B3GNT5: variants seen among roughly 807,000 people sequenced by gnomAD.
B3GNT5 encodes the protein UDP-GlcNAc:betaGal beta-1,3-N-acetylglucosaminyltransferase 5.
A neutral mutation model predicts 25.9 loss-of-function variants in B3GNT5; 11 were observed. The ratio of observed to expected loss-of-function variants is 0.42; its 90% CI spans 0.27 to 0.70. The LOEUF (loss-of-function observed/expected upper bound fraction) is 0.70. Among genes scored for constraint, B3GNT5 ranks in the 30% least tolerant of loss-of-function variants. The probability of loss-of-function intolerance (pLI) is 0.23; values close to 1 mark genes in which losing one functional copy is unlikely to be tolerated. For synonymous variants in B3GNT5, 166 were observed against 158.6 expected (o/e 1.05, Z -0.35); for missense variants, 385 against 458.4 (o/e 0.84, Z 1.46).
chr3:183,269,229 G>GATTTTTTTTTTTTTTTTT (rs1305607255), intron 1 of B3GNT5, among the ~76,000 whole-genome samples: 1 of 77,022 alleles, frequency 1.3e-5, no homozygotes, highest in African/African-American at 1.1e-4. Flanking sequence ...CGTTTGGGAA[G>GATTTTTTTTTTTTTTTTT]CTTTTTTTTT....
At chr3:183,269,459 C>G (rs1726525527) in intron 1 of B3GNT5, 39 bp from the exon 2 acceptor site, 1 of 221,360 alleles carries the variant, frequency 4.5e-6, no homozygotes, top group African/African-American at 2.3e-5. Flanking sequence ...CTTAGTAACC[C>G]ACGCGATTGT....
At chr3:183,259,806 G>T (rs1162057378) in intron 1 of B3GNT5, among the ~76,000 whole-genome samples, 2 of 152,128 alleles carry the variant, frequency 1.3e-5, no homozygotes, top group African/African-American at 4.8e-5. Context: ...GACTGATGAG[G>T]TCACTTCTGC....
chr3:183,254,563 C>A (rs1322644519), intron 1 of B3GNT5: 10 of 152,140 alleles, frequency 6.6e-5, no homozygotes, highest in Non-Finnish European at 2.9e-5. Context: ...TGCGGGTCCC[C>A]GTCCCTGAGG....
intron 1 of B3GNT5, among the ~76,000 whole-genome samples, chr3:183,260,138 T>C (rs956577388): frequency 3.3e-5 from 5 of 151,902 alleles, no homozygotes; most frequent in African/African-American, 1.2e-4. Flanking sequence ...CCACAGGGTC[T>C]GGAATTTGTT....
At position 183,271,041 on chromosome 3, in the gene B3GNT5, A is replaced by G; in HGVS notation, c.*106A>G. 1 of 1,075,322 alleles carries G rather than the reference A, an allele frequency of 9.3e-7. No homozygotes were observed. The highest frequency in any genetic ancestry group is 1.9e-5 in the South Asian group (1 of 51,508). The allele number at this position is 1,075,322 out of a possible 1,614,324, so 66.6% of individuals were successfully genotyped here. On this transcript the variant is annotated 3_prime_UTR_variant, in exon 2 of 2. Coordinates refer to ENST00000326505, the MANE Select transcript of B3GNT5 (RefSeq NM_032047.5). ...TAAGTAAAATGAGGACGAAAGACAA[A>G]TATTTTGAAAGCCTAGTCCATCAGA...
chr3:183,269,884 T>C lies in B3GNT5; in HGVS notation c.86T>C (p.Met29Thr). The change falls in exon 2 of 2, where the codon ATG (methionine) becomes ACG (threonine). Residue 29 changes from methionine to threonine, a missense_variant. Physicochemically the swap from Met to Thr is moderately conservative, Grantham distance 81. Coordinates refer to ENST00000326505, the MANE Select transcript of B3GNT5 (RefSeq NM_032047.5). ...LFATCFLASL[M>T]FFWEPIDNHI... ...GCTACTTGTTTTTTAGCGAGCCTCATGTTTTTTTGGGAACCAATCGATAAT... is the reference window on the plus strand; with the variant it reads ...GCTACTTGTTTTTTAGCGAGCCTCACGTTTTTTTGGGAACCAATCGATAAT... 3 of 1,614,110 alleles carry C rather than the reference T, an allele frequency of 1.9e-6. No individual in the cohort carries two copies. The highest frequency in any genetic ancestry group is 2.5e-6 in the Non-Finnish European group (3 of 1,180,012).
chr3:183,271,641 G>GTATT lies in B3GNT5; in HGVS notation c.*707_*710dup, dbSNP rs1398549680. ...ATGTTTTTAATGGATTTTTTTTTAA[G>GTATT]TATTAGAAAATGACACATAACACGG... On this transcript the variant is annotated 3_prime_UTR_variant, in exon 2 of 2. Coordinates refer to ENST00000326505, the MANE Select transcript of B3GNT5 (RefSeq NM_032047.5). The GTATT allele has an allele frequency of 6.0e-6, 1 of 166,648 alleles. No individual in the cohort carries two copies. The highest frequency in any genetic ancestry group is 1.9e-4 in the East Asian group (1 of 5,178). The allele number at this position is 166,648 out of a possible 1,614,324, so 10.3% of individuals were successfully genotyped here.
chr3:183,262,992 G>A lies in B3GNT5; in HGVS notation c.-301-6506G>A, dbSNP rs1234249007. On this transcript the variant is annotated intron_variant, in intron 1 of 1. Transcript: ENST00000326505. ...TGTCCAATGATTCTGCATCTGAAACGGGGGAGGTGTGTGAGGAAGAAAGGT... is the reference window on the plus strand; with the variant it reads ...TGTCCAATGATTCTGCATCTGAAACAGGGGAGGTGTGTGAGGAAGAAAGGT... Among the ~76,000 whole-genome samples the A allele has an allele frequency of 2.0e-5, 3 of 152,152 alleles. No homozygotes were observed. In the East Asian group the frequency reaches 5.8e-4, roughly 29 times the overall value.
In B3GNT5 at chr3:183,269,772, CCTAA is replaced by C; in HGVS notation, c.-22_-19del. 1 of 1,572,576 alleles carries C rather than the reference CCTAA, an allele frequency of 6.4e-7. No individual in the cohort carries two copies. Among genetic ancestry groups the C allele is most frequent in the Non-Finnish European group, 8.6e-7 (1 of 1,161,786 alleles). ...AAGCCCGTGCCTGTTTAAAACTGATCCTAACTAAAAACAGACTTGAGTGGATATG... is the reference window on the plus strand; with the variant it reads ...AAGCCCGTGCCTGTTTAAAACTGATCCTAAAAACAGACTTGAGTGGATATG... On this transcript the variant is annotated 5_prime_UTR_variant, in exon 2 of 2. The change abolishes the stop of an existing upstream ORF in the 5' untranslated region. Coordinates refer to ENST00000326505, the MANE Select transcript of B3GNT5 (RefSeq NM_032047.5).
At position 183,272,867 on chromosome 3, in the gene B3GNT5, T is replaced by C. The variant is rs1269796880; in HGVS notation, c.*1932T>C. 1 of 1,285,294 alleles carries C rather than the reference T, an allele frequency of 7.8e-7. No individual in the cohort carries two copies. The highest frequency in any genetic ancestry group is 1.6e-5 in the African/African-American group (1 of 64,374). The allele number at this position is 1,285,294 out of a possible 1,614,324, so 79.6% of individuals were successfully genotyped here. On this transcript the variant is annotated 3_prime_UTR_variant, in exon 2 of 2. Transcript: ENST00000326505. Reference sequence around the variant, plus strand: ...GTCTCTGGCCATCAAAGTGATCTTGTTTACAGCAGTGCTTTTGTGAAACAA... The same window carrying C: ...GTCTCTGGCCATCAAAGTGATCTTGCTTACAGCAGTGCTTTTGTGAAACAA...
In B3GNT5 at chr3:183,271,830, G is replaced by T. The variant is rs1307882744; in HGVS notation, c.*895G>T. On this transcript the variant is annotated 3_prime_UTR_variant, in exon 2 of 2. Coordinates refer to ENST00000326505, the MANE Select transcript of B3GNT5 (RefSeq NM_032047.5). ...ACATAGAGGAATATAATAATGGAGA[G>T]ACTTCAAATGGAAAGACAGAACATT... 2 of 166,888 alleles carry T rather than the reference G, an allele frequency of 1.2e-5. No individual in the cohort carries two copies. Among genetic ancestry groups the T allele is most frequent in the Non-Finnish European group, 2.9e-5 (2 of 68,084 alleles). The allele number at this position is 166,888 out of a possible 1,614,324, so 10.3% of individuals were successfully genotyped here. A position where few individuals can be genotyped will look rare whatever the true frequency, so the allele number is the denominator to read the frequency against.
chr3:183,263,396 A>T (rs1457210618), intron 1 of B3GNT5, among the ~76,000 whole-genome samples: 1 of 152,072 alleles, frequency 6.6e-6, no homozygotes, highest in Admixed American at 6.5e-5. Flanking sequence ...GCACAACCCT[A>T]ACTATATGGT....
At chr3:183,268,339 G>T (rs969208111) in intron 1 of B3GNT5, among the ~76,000 whole-genome samples, 4 of 152,188 alleles carry the variant, frequency 2.6e-5, no homozygotes, top group African/African-American at 9.7e-5. Context: ...AGTTTGTCTC[G>T]TGGTTAAATC....
chr3:183,255,807 T>TAA (rs543086878), intron 1 of B3GNT5, among the ~76,000 whole-genome samples: 352 of 134,392 alleles, frequency 2.6e-3, no homozygotes, highest in African/African-American at 8.5e-3. Flanking sequence ...GGTGAGATTG[T>TAA]AAAAAAAAAA....
chr3:183,269,827 T>C lies in B3GNT5; in HGVS notation c.29T>C (p.Val10Ala). 6.2e-7 allele frequency: 1 copy of C among 1,610,522 alleles called. No individual in the cohort carries two copies. The change falls in exon 2 of 2, where the codon GTC (valine) becomes GCC (alanine). Residue 10 changes from valine (V) to alanine (A), a missense_variant. Physicochemically the swap from Val to Ala is moderately conservative, Grantham distance 64 (BLOSUM62 0). Coordinates refer to ENST00000326505, the MANE Select transcript of B3GNT5 (RefSeq NM_032047.5). ...AGAATGTTGGTTAGTGGCAGAAGAG[T>C]CAAAAAATGGCAGTTAATTATTCAG... Reference protein sequence around the residue: MRMLVSGRRVKKWQLIIQLF... With the variant: MRMLVSGRRAKKWQLIIQLF...
chr3:183,259,910 C>T (rs1410122523), intron 1 of B3GNT5, among the ~76,000 whole-genome samples: 4 of 152,112 alleles, frequency 2.6e-5, no homozygotes, highest in Non-Finnish European at 1.5e-5. Flanking sequence ...GAAGTAAGAA[C>T]AGTGCTAACA....
In B3GNT5 at chr3:183,273,053, T is replaced by C. The variant is rs1441943306; in HGVS notation, c.*2118T>C. ...CCTTCATCACACTTACTTAAAGTAC[T>C]GAGAAGAGTATCTGTAAATAAAAGG... On this transcript the variant is annotated 3_prime_UTR_variant, in exon 2 of 2. Coordinates refer to ENST00000326505, the MANE Select transcript of B3GNT5 (RefSeq NM_032047.5). 1 of 1,487,992 alleles carries C rather than the reference T, an allele frequency of 6.7e-7. No individual in the cohort carries two copies. 92.2% of individuals were successfully genotyped at this position (1,487,992 alleles called of 1,614,324 possible).
Position 183,270,802 on chromosome 3 carries a change from A to G in B3GNT5, c.1004A>G (p.Asn335Ser). 4 of 1,614,084 alleles carry G rather than the reference A, an allele frequency of 2.5e-6. No homozygotes were observed. Among genetic ancestry groups the G allele is most frequent in the Non-Finnish European group, 3.4e-6 (4 of 1,179,992 alleles). ...GAAGATCTCCAGGACCTTTGGAAGAATGCTACAGATCCTAAAGTAAAAACC... is the reference window on the plus strand; with the variant it reads ...GAAGATCTCCAGGACCTTTGGAAGAGTGCTACAGATCCTAAAGTAAAAACC... ...HLEDLQDLWK[N>S]ATDPKVKTIS... Residue 335 changes from asparagine (N) to serine (S), a missense_variant, in exon 2 of 2, where the codon AAT becomes AGT. Physicochemically the swap from Asn to Ser is conservative, Grantham distance 46 (BLOSUM62 1). Transcript: ENST00000326505. This position sits in a 1 kb window ranked among gnomAD's most constrained non-coding sequence, Gnocchi z 4.5.
rs898219117 is a variant in B3GNT5 at position 183,253,392 on chromosome 3, C to T, written c.-382C>T. ...CGATGCGGGAAGGAAAGCCGACCTC[C>T]GATTTGGACATTTAAAGAGCTGGGC... On this transcript the variant is annotated 5_prime_UTR_variant, in exon 1 of 2. Transcript: ENST00000326505. The T allele has an allele frequency of 6.6e-6, 1 of 152,210 alleles. No individual in the cohort carries two copies. Among genetic ancestry groups the T allele is most frequent in the Non-Finnish European group, 1.5e-5 (1 of 68,042 alleles). 9.4% of individuals were successfully genotyped at this position (152,210 alleles called of 1,614,324 possible).
Sources: gnomAD v4.1 joint callset for allele counts (sites outside exome capture counted in the v4.1 genomes callset) on GRCh38, gnomAD v4.1.1 for gene constraint, Gnocchi (gnomAD v3.1) non-coding constraint, MANE v1.5 for transcripts, NCBI Gene and HGNC (gene_info 2026-07-23, HGNC 2026-07-21) for gene names.